The following CLCN2 variants were observed in gnomAD, a reference collection of about 807,000 sequenced individuals.
CLCN2 encodes chloride channel protein 2.
In CLCN2, 72 loss-of-function variants were observed where a neutral mutation model predicts 108.3. The ratio of observed to expected loss-of-function variants is 0.66; its 90% CI spans 0.55 to 0.81. The LOEUF (loss-of-function observed/expected upper bound fraction) is 0.81. CLCN2 is among the 30% of genes least tolerant of loss of function. The pLI is 0.00. For missense variants in CLCN2, 1,048 were observed against 1,205.2 expected, an observed-to-expected ratio of 0.87 and a Z score of 1.93; for synonymous variants, 471 against 467.1, an observed-to-expected ratio of 1.01 and a Z score of -0.11.
chr3:184,353,025 G>C lies in CLCN2; in HGVS notation c.2143+8C>G. ...GAGGCTCTGTGGACACAGGAGACAT[G>C]GGCTTACCTGTGGGACTCTCTCCGA... is the stretch of plus-strand genomic sequence containing the variant. On this transcript the variant is annotated splice_region_variant and intron_variant, in intron 18 of 23. Coordinates refer to ENST00000265593, the MANE Select transcript of CLCN2 (RefSeq NM_004366.6). The C allele has an allele frequency of 6.2e-7, 1 of 1,608,716 alleles. No homozygotes were observed. The highest frequency in any genetic ancestry group is 8.5e-7 in the Non-Finnish European group (1 of 1,175,106).
At chr3:184,354,366 C>A in intron 14 of CLCN2, 52 bp from the exon 15 acceptor site, 11 of 1,575,512 alleles carry the variant, frequency 7.0e-6, no homozygotes, top group Non-Finnish European at 9.6e-6. Context: ...CCAGAAGACC[C>A]TCCACAACCA....
At chr3:184,359,549 C>T (rs942261533) in intron 1 of CLCN2, among the ~76,000 whole-genome samples, 2 of 152,142 alleles carry the variant, frequency 1.3e-5, no homozygotes, top group Non-Finnish European at 2.9e-5. Context: ...TCGTGGAGCT[C>T]GGGGCAGCTG....
chr3:184,348,872 A>G (rs1727891705), intron 22 of CLCN2: 1 of 152,152 alleles, frequency 6.6e-6, no homozygotes, highest in African/African-American at 2.4e-5. Context: ...CCTGGCCATT[A>G]CTGACTGTAG....
In CLCN2 at chr3:184,353,246, TCA is replaced by T; in HGVS notation, c.2028+2_2028+3del. Reference sequence around the variant, plus strand: ...TAGGAAGCGTTTGTGGCTTTTCCCCTCACCTGGAAGCAGACAGAAGCCTCAGG... The same window carrying T: ...TAGGAAGCGTTTGTGGCTTTTCCCCTCCTGGAAGCAGACAGAAGCCTCAGG... On this transcript the variant is annotated splice_donor_variant and splice_donor_region_variant and intron_variant, in intron 17 of 23. Transcript: ENST00000265593. LOFTEE classifies it high-confidence loss of function. 6.2e-7 allele frequency: 1 copy of T among 1,613,942 alleles called. No individual in the cohort carries two copies. Among genetic ancestry groups the T allele is most frequent in the East Asian group, 2.2e-5 (1 of 44,860 alleles).
rs1560267762 is a variant in CLCN2, at chr3:184,359,000, TC to T, written c.194del (p.Gly65AspfsTer19). On this transcript the variant is annotated frameshift_variant, in exon 2 of 24. Coordinates refer to ENST00000265593, the MANE Select transcript of CLCN2 (RefSeq NM_004366.6). LOFTEE classifies it high-confidence loss of function. ...CGCGGCATCGGGCGCAACGGCTCCG[TC>T]CATATTCCAAGAGCTCTGGGGCAGC... is the stretch of plus-strand genomic sequence containing the variant. ...SRAAPELLEY[G>X]RSRCARCRVC... The T allele has an allele frequency of 3.7e-6, 6 of 1,613,520 alleles. No individual in the cohort carries two copies. The highest frequency in any genetic ancestry group is 5.1e-6 in the Non-Finnish European group (6 of 1,180,012).
At position 184,357,762 on chromosome 3, in the gene CLCN2, C is replaced by A; in HGVS notation, c.693+17G>T. On this transcript the variant is annotated intron_variant, in intron 6 of 23. Coordinates refer to ENST00000265593, the MANE Select transcript of CLCN2 (RefSeq NM_004366.6). The stretch of plus-strand genomic sequence containing the variant: ...TCAGCAGCCTCTGCCCCCTACTTGC[C>A]CCAGGGTTCCCCTTACCTCATAGAT... 11 of 1,613,932 alleles carry A rather than the reference C, an allele frequency of 6.8e-6. No homozygotes were observed. The highest frequency in any genetic ancestry group is 9.3e-6 in the Non-Finnish European group (11 of 1,179,994).
chr3:184,353,215 G>A, intron 17 of CLCN2, 35 bp downstream of exon 17: 5 of 1,613,226 alleles, frequency 3.1e-6, no homozygotes, highest in South Asian at 1.1e-5. Flanking sequence ...TCTACACAAT[G>A]ACATTTAGGA....
At chr3:184,352,639 G>C in intron 19 of CLCN2, 98 bp downstream of exon 19, 1 of 1,482,404 alleles carries the variant, frequency 6.7e-7, no homozygotes, top group Non-Finnish European at 9.4e-7. Flanking sequence ...AGGGCAGGGA[G>C]AATAGAGGCA....
chr3:184,347,658 A>G (rs1418681669), intron 22 of CLCN2: 4 of 168,198 alleles, frequency 2.4e-5, no homozygotes, highest in Non-Finnish European at 3.9e-5. Context: ...CCAGGTTTGG[A>G]GTCTCTCTCC....
chr3:184,347,703 G>A (rs537125311), intron 22 of CLCN2: 19 of 162,736 alleles, frequency 1.2e-4, no homozygotes, highest in Non-Finnish European at 2.3e-4. Context: ...CCTGAAGCAC[G>A]CTATGCCTCT....
intron 1 of CLCN2, among the ~76,000 whole-genome samples, chr3:184,359,914 G>T (rs895195653): frequency 6.6e-6 from 1 of 151,594 alleles, no homozygotes; most frequent in African/African-American, 2.4e-5. Context: ...TGTGTTGGGG[G>T]GCGGGGAGGA....
rs556032363 is a variant in CLCN2, at chr3:184,361,546, G to A, written c.-67C>T. The A allele has an allele frequency of 5.1e-6, 8 of 1,554,802 alleles. No individual in the cohort carries two copies. The highest frequency in any genetic ancestry group is 3.4e-5 in the Admixed American group (2 of 59,372). On this transcript the variant is annotated 5_prime_UTR_variant, in exon 1 of 24. Coordinates refer to ENST00000265593, the MANE Select transcript of CLCN2 (RefSeq NM_004366.6). This position sits in a 1 kb window ranked among gnomAD's most constrained non-coding sequence, Gnocchi z 6.6. ...CTGTCCTGGACTCGGCTCCCGGCCC[G>A]CAAAGTCCGCGCCGGCAGCCGTCCC...
rs755448536 is a variant in CLCN2 at position 184,353,725 on chromosome 3, G to T, written c.1792C>A (p.Arg598=). 2 of 1,608,680 alleles carry T rather than the reference G, an allele frequency of 1.2e-6. No individual in the cohort carries two copies. The highest frequency in any genetic ancestry group is 1.1e-5 in the South Asian group (1 of 89,972). Residue 598 remains arginine, a synonymous_variant, in exon 16 of 24, where the codon CGG becomes AGG. Coordinates refer to ENST00000265593, the MANE Select transcript of CLCN2 (RefSeq NM_004366.6). The part of the protein sequence containing the change: ...VPHVALSCTF[R]DLRLALHRTK... Reference sequence around the variant, plus strand: ...CTGTGCAGTGCCAAACGCAGGTCCCGGAAGGTGCAGCTGAGGGCCACATGG... The same window carrying T: ...CTGTGCAGTGCCAAACGCAGGTCCCTGAAGGTGCAGCTGAGGGCCACATGG...
In CLCN2 at chr3:184,353,361, C is replaced by G. The variant is rs1278731086; in HGVS notation, c.1917G>C (p.Gln639His). 6.2e-7 allele frequency: 1 copy of G among 1,613,028 alleles called. No homozygotes were observed. Among genetic ancestry groups the G allele is most frequent in the Admixed American group, 1.7e-5 (1 of 59,988 alleles). Residue 639 changes from glutamine to histidine, a missense_variant, in exon 17 of 24, where the codon CAG becomes CAC. Transcript: ENST00000265593. ...RSQVVALLGA[Q>H]LSPARRRQHM... ...GCTGCCGCCGGCGGGCTGGGCTCAGCTGGGCCCCCAACAATGCCACCACCT... is the reference window on the plus strand; with the variant it reads ...GCTGCCGCCGGCGGGCTGGGCTCAGGTGGGCCCCCAACAATGCCACCACCT...
At chr3:184,351,267 A>G (rs529636077) in intron 22 of CLCN2, among the ~76,000 whole-genome samples, 1 of 151,938 alleles carries the variant, frequency 6.6e-6, no homozygotes, top group Non-Finnish European at 1.5e-5. Context: ...TATGCCTGTC[A>G]AAAGTTTAGC....
chr3:184,353,607 C>A, intron 16 of CLCN2, 55 bp downstream of exon 16: 2 of 1,606,738 alleles, frequency 1.2e-6, no homozygotes, highest in Non-Finnish European at 1.7e-6. Context: ...TGCCCCTTCC[C>A]GAAGCTTCGA....
chr3:184,360,243 G>T (rs910514681), intron 1 of CLCN2, among the ~76,000 whole-genome samples: 12 of 152,122 alleles, frequency 7.9e-5, no homozygotes, highest in Admixed American at 5.9e-4. Flanking sequence ...GGATAGGATG[G>T]TGAAGGGGGG....
chr3:184,352,045 A>G lies in CLCN2; in HGVS notation c.2383T>C (p.Phe795Leu). The G allele has an allele frequency of 6.2e-7, 1 of 1,613,822 alleles. No individual in the cohort carries two copies. The highest frequency in any genetic ancestry group is 1.1e-5 in the South Asian group (1 of 91,074). Residue 795 changes from phenylalanine to leucine, a missense_variant, in exon 22 of 24, where the codon TTC becomes CTC. Phe to Leu is a conservative substitution (Grantham distance 22, BLOSUM62 0). Coordinates refer to ENST00000265593, the MANE Select transcript of CLCN2 (RefSeq NM_004366.6). ...AAAGAGGTCCGCTCCACCAGCTGGA[A>G]GGGAGCAGGATCAATTTTGCAGTCA... ...FSDCKIDPAP[F>L]QLVERTSLHK... is the part of the protein sequence containing the mutation.
rs774832002 is a variant in CLCN2, at chr3:184,357,792, C to G, written c.680G>C (p.Gly227Ala). Reference sequence around the variant, plus strand: ...GGTTCCCCTTACCTCATAGATACCCCCAAAGAGGGAGAGGAACTTGCTGAG... The same window carrying G: ...GGTTCCCCTTACCTCATAGATACCCGCAAAGAGGGAGAGGAACTTGCTGAG... ...ALLSKFLSLF[G>A]GIYENESRNT... The change falls in exon 6 of 24, where the codon GGG (glycine) becomes GCG (alanine). Residue 227 changes from glycine to alanine, a missense_variant. By Grantham distance (60) the Gly-to-Ala change is moderately conservative. Transcript: ENST00000265593. 4 of 1,614,026 alleles carry G rather than the reference C, an allele frequency of 2.5e-6. No individual in the cohort carries two copies. The highest frequency in any genetic ancestry group is 1.1e-5 in the South Asian group (1 of 91,080).
Sources: allele counts gnomAD v4.1 joint callset (sites outside exome capture counted in the v4.1 genomes callset), GRCh38; gene constraint gnomAD v4.1.1; non-coding constraint Gnocchi (gnomAD v3.1); transcripts MANE v1.5; gene names NCBI Gene and HGNC (gene_info 2026-07-23, HGNC 2026-07-21).